Variants in MMP11 observed in about 807,000 individuals in gnomAD.
MMP11 encodes the protein matrix metallopeptidase 11, also known as stromelysin-3.
In MMP11, 26 loss-of-function variants were observed where a neutral mutation model predicts 49.5. The observed-to-expected ratio is 0.52, with a 90% confidence interval of 0.38 to 0.73. The LOEUF (loss-of-function observed/expected upper bound fraction) is 0.73. Among genes scored for constraint, MMP11 ranks in the 30% least tolerant of loss-of-function variants. The probability of loss-of-function intolerance (pLI) is 0.00; values close to 1 mark genes in which losing one functional copy is unlikely to be tolerated. For missense variants in MMP11, 624 were observed against 671.2 expected, an observed-to-expected ratio of 0.93 and a Z score of 0.78; for synonymous variants, 265 against 282.3, an observed-to-expected ratio of 0.94 and a Z score of 0.62.
chr22:23,779,236 C>A lies in MMP11; in HGVS notation c.158C>A (p.Ala53Glu), dbSNP rs759725165. The A allele has an allele frequency of 6.2e-6, 10 of 1,608,232 alleles. No homozygotes were observed. The East Asian group carries it at 2.0e-4, about 32-fold the overall frequency. Residue 53 changes from alanine to glutamate, a missense_variant, in exon 2 of 8, where the codon GCA (alanine) becomes GAA (glutamate). Physicochemically the swap from Ala to Glu is moderately radical, Grantham distance 107. Transcript: ENST00000215743. ...AGGAGGGGGCCACAGCCCTGGCATGCAGCCCTGCCCAGTAGCCCGGCACCT... is the reference window on the plus strand; with the variant it reads ...AGGAGGGGGCCACAGCCCTGGCATGAAGCCCTGCCCAGTAGCCCGGCACCT... ...AERRGPQPWH[A>E]ALPSSPAPAP...
At position 23,780,619 on chromosome 22, in the gene MMP11, G is replaced by A; in HGVS notation, c.520G>A (p.Gly174Arg). ...GGACGACCTGCCGTTTGATGGGCCT[G>A]GGGGCATCCTGGCCCATGCCTTCTT... ...HGDDLPFDGP[G>R]GILAHAFFPK... The change falls in exon 4 of 8, where the codon GGG (glycine) becomes AGG (arginine). Residue 174 changes from glycine (G) to arginine (R), a missense_variant. Transcript: ENST00000215743. The surrounding 1 kb of genome is among the most constrained non-coding windows in gnomAD (Gnocchi z 4.6). 1 of 1,595,248 alleles carries A rather than the reference G, an allele frequency of 6.3e-7. No individual in the cohort carries two copies.
rs147144956 is a variant in MMP11 at position 23,779,314 on chromosome 22, G to A, written c.236G>A (p.Arg79His). 169 of 1,612,300 alleles carry A rather than the reference G, an allele frequency of 1.0e-4. 2 individuals carry two copies. In the Middle Eastern group the frequency reaches 6.6e-3, roughly 63 times the overall value. Reference protein sequence around the residue: ...PRPASSLRPPRCGVPDPSDGL... With the variant: ...PRPASSLRPPHCGVPDPSDGL... ...CCTGCCAGCAGCCTCAGGCCTCCCC[G>A]CTGTGGCGTGCCCGACCCATCTGAT... The change falls in exon 2 of 8, where the codon CGC (arginine) becomes CAC (histidine). Residue 79 changes from arginine to histidine, a missense_variant. By Grantham distance (29) the Arg-to-His change is conservative. Transcript: ENST00000215743.
Position 23,780,495 on chromosome 22 carries a change from T to C in MMP11, c.475T>C (p.Phe159Leu). Residue 159 changes from phenylalanine to leucine, a missense_variant, in exon 3 of 8, where the codon TTC (phenylalanine) becomes CTC (leucine). Phe to Leu is a conservative substitution (Grantham distance 22). Coordinates refer to ENST00000215743, the MANE Select transcript of MMP11 (RefSeq NM_005940.5). The surrounding 1 kb of genome is among the most constrained non-coding windows in gnomAD (Gnocchi z 4.6). The part of the protein sequence containing the change: ...HEGRADIMID[F>L]ARYWHGDDLP... ...GGGCCGTGCTGACATCATGATCGAC[T>C]TCGCCAGGTGAATGGGCGGCCTGGG... The C allele has an allele frequency of 6.2e-7, 1 of 1,613,936 alleles. No individual in the cohort carries two copies. The highest frequency in any genetic ancestry group is 8.5e-7 in the Non-Finnish European group (1 of 1,180,022).
Position 23,779,224 on chromosome 22 carries a change from A to G in MMP11, c.146A>G (p.Gln49Arg). The change falls in exon 2 of 8, where the codon CAG becomes CGG. Residue 49 changes from glutamine (Q) to arginine (R), a missense_variant. Gln to Arg is a conservative substitution (Grantham distance 43, BLOSUM62 1). Coordinates refer to ENST00000215743, the MANE Select transcript of MMP11 (RefSeq NM_005940.5). ...HHLHAERRGPQPWHAALPSSP... is the reference protein window; with the variant it reads ...HHLHAERRGPRPWHAALPSSP... ...CTCCATGCCGAGAGGAGGGGGCCAC[A>G]GCCCTGGCATGCAGCCCTGCCCAGT... 5 of 1,607,552 alleles carry G rather than the reference A, an allele frequency of 3.1e-6. No homozygotes were observed. Among genetic ancestry groups the G allele is most frequent in the Non-Finnish European group, 4.2e-6 (5 of 1,177,736 alleles).
At position 23,780,749 on chromosome 22, in the gene MMP11, A is replaced by T. The variant is rs1408021514; in HGVS notation, c.616+34A>T. 2 of 1,548,446 alleles carry T rather than the reference A, an allele frequency of 1.3e-6. No homozygotes were observed. The highest frequency in any genetic ancestry group is 2.7e-5 in the African/African-American group (2 of 73,012). ...TGGGGACCCATTTTCCAGATGGGGC[A>T]ACCGAAGATCATAAAGAATGGGGAC... On this transcript the variant is annotated intron_variant, in intron 4 of 7. Transcript: ENST00000215743. This position sits in a 1 kb window ranked among gnomAD's most constrained non-coding sequence, Gnocchi z 4.6.
At position 23,782,421 on chromosome 22, in the gene MMP11, G is replaced by A. The variant is rs199819674; in HGVS notation, c.1271G>A (p.Arg424His). 19 of 1,613,682 alleles carry A rather than the reference G, an allele frequency of 1.2e-5. No individual in the cohort carries two copies. Among genetic ancestry groups the A allele is most frequent in the Non-Finnish European group, 1.6e-5 (19 of 1,179,944 alleles). Residue 424 changes from arginine (R) to histidine (H), a missense_variant, in exon 7 of 8, where the codon CGC becomes CAC. Physicochemically the swap from Arg to His is conservative, Grantham distance 29 (BLOSUM62 0). Coordinates refer to ENST00000215743, the MANE Select transcript of MMP11 (RefSeq NM_005940.5). ...STRRVDSPVP[R>H]RATDWRGVPS... ...CGGCGTGTAGACAGTCCCGTGCCCC[G>A]CAGGGCCACTGACTGGAGAGGGGTG... is the stretch of plus-strand genomic sequence containing the variant.
At position 23,781,420 on chromosome 22, in the gene MMP11, G is replaced by C; in HGVS notation, c.1075+11G>C. ...TTTGGTTCTTCCAAGGTGAGTGGGG[G>C]TTGGGGATCTGCTCGAGAGACTTCC... On this transcript the variant is annotated intron_variant, in intron 6 of 7. Coordinates refer to ENST00000215743, the MANE Select transcript of MMP11 (RefSeq NM_005940.5). 1 of 1,584,682 alleles carries C rather than the reference G, an allele frequency of 6.3e-7. No individual in the cohort carries two copies. The highest frequency in any genetic ancestry group is 1.1e-5 in the South Asian group (1 of 88,390).
Position 23,782,306 on chromosome 22 carries a change from C to G in MMP11, c.1156C>G (p.Pro386Ala). 6.2e-7 allele frequency: 1 copy of G among 1,613,962 alleles called. No individual in the cohort carries two copies. The highest frequency in any genetic ancestry group is 1.7e-5 in the Admixed American group (1 of 60,018). The change falls in exon 7 of 8, where the codon CCG becomes GCG. Residue 386 changes from proline (P) to alanine (A), a missense_variant. Coordinates refer to ENST00000215743, the MANE Select transcript of MMP11 (RefSeq NM_005940.5). ...PLTELGLVRF[P>A]VHAALVWGPE... ...CACCGAGCTGGGCCTGGTGAGGTTCCCGGTCCATGCTGCCTTGGTCTGGGG... is the reference window on the plus strand; with the variant it reads ...CACCGAGCTGGGCCTGGTGAGGTTCGCGGTCCATGCTGCCTTGGTCTGGGG...
Position 23,782,222 on chromosome 22 carries a change from G to GC in MMP11, c.1076-3dup, listed in dbSNP as rs1927660919. On this transcript the variant is annotated splice_region_variant and splice_polypyrimidine_tract_variant and intron_variant, in intron 6 of 7. Transcript: ENST00000215743. ...AGGTCCTTGCAGCCTTCCCTCTCCG[G>GC]CAGGTGCTCAGTACTGGGTGTACGA... 2 of 1,608,134 alleles carry GC rather than the reference G, an allele frequency of 1.2e-6. No individual in the cohort carries two copies. Among genetic ancestry groups the GC allele is most frequent in the East Asian group, 4.5e-5 (2 of 44,684 alleles).
intron 1 of MMP11, among the ~76,000 whole-genome samples, chr22:23,773,426 G>C (rs1927305704): frequency 6.6e-6 from 1 of 152,186 alleles, no homozygotes. Context: ...AAGGATAAAG[G>C]GAGAAGGGAG....
Position 23,781,179 on chromosome 22 carries a change from C to T in MMP11, c.859-14C>T, listed in dbSNP as rs768920695. On this transcript the variant is annotated splice_polypyrimidine_tract_variant and intron_variant, in intron 5 of 7. Transcript: ENST00000215743. ...GCATATGCCCTCAGCATGTGTCCCT[C>T]TCTCCCACCCCAGCCAGACGCCCCG... 2 of 1,610,644 alleles carry T rather than the reference C, an allele frequency of 1.2e-6. No individual in the cohort carries two copies. The highest frequency in any genetic ancestry group is 3.3e-5 in the Admixed American group (2 of 60,008).
rs1032857548 is a variant in MMP11, at chr22:23,780,522, C to A, written c.482+20C>A. The stretch of plus-strand genomic sequence containing the variant: ...CGCCAGGTGAATGGGCGGCCTGGGA[C>A]CCCTCCGGGAACAGCCTCGCCTGCC... On this transcript the variant is annotated intron_variant, in intron 3 of 7. Transcript: ENST00000215743. The surrounding 1 kb of genome is among the most constrained non-coding windows in gnomAD (Gnocchi z 4.6). 8.1e-6 allele frequency: 13 copies of A among 1,613,496 alleles called. No individual in the cohort carries two copies. The highest frequency in any genetic ancestry group is 1.1e-5 in the Non-Finnish European group (13 of 1,179,944).
intron 1 of MMP11, chr22:23,777,549 A>AGAGC (rs1000194693): frequency 2.1e-5 from 3 of 143,032 alleles, no homozygotes; most frequent in African/African-American, 7.8e-5. Context: ...CCTGGGCGAT[A>AGAGC]GAGCGAGACT....
chr22:23,773,006 C>T, intron 1 of MMP11, 28 bp downstream of exon 1: 1 of 1,172,746 alleles, frequency 8.5e-7, no homozygotes, highest in Non-Finnish European at 1.1e-6. Context: ...GCCGGCCGCT[C>T]CTCGCTGAGG....
At chr22:23,779,536 T>C in intron 2 of MMP11, 120 bp downstream of exon 2, 1 of 885,098 alleles carries the variant, frequency 1.1e-6, no homozygotes, top group Non-Finnish European at 1.7e-6. Context: ...AACAGACCTG[T>C]GTGTCCACTG....
At position 23,779,284 on chromosome 22, in the gene MMP11, C is replaced by T. The variant is rs746998106; in HGVS notation, c.206C>T (p.Pro69Leu). The T allele has an allele frequency of 1.2e-6, 2 of 1,610,428 alleles. No homozygotes were observed. Among genetic ancestry groups the T allele is most frequent in the Non-Finnish European group, 1.7e-6 (2 of 1,178,956 alleles). ...CCTGCCCCTGCCACGCAGGAAGCCC[C>T]CCGGCCTGCCAGCAGCCTCAGGCCT... ...PAPAPATQEA[P>L]RPASSLRPPR... The change falls in exon 2 of 8, where the codon CCC (proline) becomes CTC (leucine). Residue 69 changes from proline to leucine, a missense_variant. Pro to Leu is a moderately conservative substitution (Grantham distance 98). Transcript: ENST00000215743.
chr22:23,776,671 C>T (rs1375788154), intron 1 of MMP11, among the ~76,000 whole-genome samples: 2 of 152,186 alleles, frequency 1.3e-5, no homozygotes, highest in African/African-American at 2.4e-5. Context: ...GATCAAGCTG[C>T]TTAACTCCTC....
Position 23,783,839 on chromosome 22 carries a change from A to C in MMP11, c.*295A>C. The C allele has an allele frequency of 4.3e-6, 2 of 461,356 alleles. No individual in the cohort carries two copies. Among genetic ancestry groups the C allele is most frequent in the Non-Finnish European group, 4.0e-6 (1 of 248,856 alleles). 28.6% of individuals were successfully genotyped at this position (461,356 alleles called of 1,614,324 possible). On this transcript the variant is annotated 3_prime_UTR_variant, in exon 8 of 8. Coordinates refer to ENST00000215743, the MANE Select transcript of MMP11 (RefSeq NM_005940.5). ...TGGCAAACCTGGCTGCCCTGTCTCC[A>C]TCCCTGTCCCTCAGGGTAGCACCAT... is the stretch of plus-strand genomic sequence containing the variant.
intron 1 of MMP11, among the ~76,000 whole-genome samples, chr22:23,778,401 C>T (rs895982895): frequency 2.0e-5 from 3 of 152,204 alleles, no homozygotes; most frequent in Non-Finnish European, 4.4e-5. Context: ...TGGGGCTGGG[C>T]ACCTGGTAAT....
Sources: gnomAD v4.1 joint callset for allele counts (sites outside exome capture counted in the v4.1 genomes callset) on GRCh38, gnomAD v4.1.1 for gene constraint, Gnocchi (gnomAD v3.1) non-coding constraint, MANE v1.5 for transcripts, NCBI Gene and HGNC (gene_info 2026-07-23, HGNC 2026-07-21) for gene names.